Variants in MSH3 observed in about 807,000 individuals in gnomAD.
The protein encoded by MSH3 is mutS homolog 3, also known as DNA mismatch repair protein Msh3.
MSH3 carries 106 observed loss-of-function variants against 123.3 expected under a neutral mutation model. That is an observed-to-expected ratio of 0.86 (90% CI 0.73 to 1.01). MSH3 has a LOEUF of 1.01. Among genes scored for constraint, MSH3 ranks in the 50% least tolerant of loss-of-function variants. MSH3 has a pLI of 0.00. For missense variants in MSH3, 1,459 were observed against 1,347.6 expected (o/e 1.08, Z -1.29); for synonymous variants, 515 against 481.4 (o/e 1.07, Z -0.91).
At chr5:80,836,645 C>T (rs368227440) in intron 20 of MSH3, among the ~76,000 whole-genome samples, 2 of 151,210 alleles carry the variant, frequency 1.3e-5, no homozygotes, top group South Asian at 2.1e-4. Flanking sequence ...CAGATGATCA[C>T]ATCCCTGATA....
intron 8 of MSH3, among the ~76,000 whole-genome samples, chr5:80,712,796 G>A (rs775636520): frequency 7.3e-5 from 11 of 151,602 alleles, no homozygotes; most frequent in Admixed American, 5.3e-4. Context: ...TGTCCTGGTG[G>A]TTGGTTTTAG....
intron 19 of MSH3, among the ~76,000 whole-genome samples, chr5:80,801,433 A>G (rs186675066): frequency 6.6e-6 from 1 of 152,166 alleles, no homozygotes; most frequent in Admixed American, 6.5e-5. Context: ...TCGTGCTGGC[A>G]GTCTCTTAGG....
chr5:80,786,624 A>AT (rs1354078110), intron 17 of MSH3, among the ~76,000 whole-genome samples: 1 of 152,192 alleles, frequency 6.6e-6, no homozygotes, highest in Non-Finnish European at 1.5e-5. Flanking sequence ...CTGTTACTTA[A>AT]AAAGATACTT....
chr5:80,717,133 A>G (rs1253081730), intron 8 of MSH3, among the ~76,000 whole-genome samples: 1 of 152,250 alleles, frequency 6.6e-6, no homozygotes. Flanking sequence ...GGCTGAGTCC[A>G]TAACTTGGCT....
intron 8 of MSH3, among the ~76,000 whole-genome samples, chr5:80,691,543 TA>T (rs894981093): frequency 6.7e-5 from 10 of 150,004 alleles, no homozygotes; most frequent in African/African-American, 2.2e-4. Context: ...TTTTTTTTTT[TA>T]AATAACAATT....
chr5:80,798,466 GTAATATTCA>G (rs1161408905), intron 19 of MSH3, among the ~76,000 whole-genome samples: 1 of 152,178 alleles, frequency 6.6e-6, no homozygotes, highest in Non-Finnish European at 1.5e-5. Flanking sequence ...ACTAGTTACA[GTAATATTCA>G]TAAGCTGTTG....
chr5:80,846,681 A>G (rs2112097632), intron 20 of MSH3, among the ~76,000 whole-genome samples: 1 of 152,330 alleles, frequency 6.6e-6, no homozygotes, highest in African/African-American at 2.4e-5. Flanking sequence ...CTGCTGCGCT[A>G]GCAGTGAGCA....
At position 80,743,548 on chromosome 5, in the gene MSH3, G is replaced by A. The variant is rs1743655277; in HGVS notation, c.1654-958G>A. On this transcript the variant is annotated intron_variant, in intron 11 of 23. Transcript: ENST00000265081. ...TTACAGAGGAGAAGGAAAAAAGAAA[G>A]GATTAAAAAAACCCGGCCGGGCGCG... 1.3e-5 allele frequency among the ~76,000 whole-genome samples: 2 copies of A among 148,230 alleles called. 1 individual carries two copies. Among genetic ancestry groups the A allele is most frequent in the Non-Finnish European group, 3.0e-5 (2 of 67,368 alleles).
intron 7 of MSH3, among the ~76,000 whole-genome samples, chr5:80,677,051 G>C (rs527995798): frequency 6.6e-6 from 1 of 152,250 alleles, no homozygotes; most frequent in East Asian, 1.9e-4. Flanking sequence ...CGAGCTCCAG[G>C]CTCCTGCATC....
intron 4 of MSH3, among the ~76,000 whole-genome samples, chr5:80,671,812 T>C (rs1749731440): frequency 6.6e-6 from 1 of 152,200 alleles, no homozygotes; most frequent in South Asian, 2.1e-4. Context: ...CTCTTTTTAC[T>C]TTTTCAATGA....
chr5:80,739,103 G>A (rs553894244), intron 10 of MSH3, among the ~76,000 whole-genome samples: 1 of 152,322 alleles, frequency 6.6e-6, no homozygotes, highest in African/African-American at 2.4e-5. Flanking sequence ...TGCCAGCTAA[G>A]CACCGTTCTA....
At chr5:80,790,390 C>T (rs934376225) in intron 18 of MSH3, among the ~76,000 whole-genome samples, 4 of 152,042 alleles carry the variant, frequency 2.6e-5, no homozygotes, top group Non-Finnish European at 4.4e-5. Flanking sequence ...GAGAGTAAAA[C>T]TTACTCTGTC....
At chr5:80,678,384 T>G (rs1227387801) in intron 7 of MSH3, among the ~76,000 whole-genome samples, 1 of 152,208 alleles carries the variant, frequency 6.6e-6, no homozygotes, top group African/African-American at 2.4e-5. Context: ...GACTGTCTAC[T>G]TGGGCTTCAT....
chr5:80,698,488 A>G (rs1750533945), intron 8 of MSH3, among the ~76,000 whole-genome samples: 1 of 152,134 alleles, frequency 6.6e-6, no homozygotes, highest in Non-Finnish European at 1.5e-5. Flanking sequence ...GCATCATGCT[A>G]GTTTGCTAGA....
chr5:80,782,552 G>A (rs1362658698), intron 17 of MSH3, among the ~76,000 whole-genome samples: 1 of 152,242 alleles, frequency 6.6e-6, no homozygotes, highest in East Asian at 1.9e-4. Context: ...TCTGCAGGGG[G>A]TCCTAGAACC....
In MSH3 at chr5:80,864,940, C is replaced by T. The variant is rs1268866296; in HGVS notation, c.3128C>T (p.Pro1043Leu). The change falls in exon 22 of 24, where the codon CCA becomes CTA. Residue 1043 changes from proline (P) to leucine (L), a missense_variant and splice_region_variant. Pro to Leu is a moderately conservative substitution (Grantham distance 98, BLOSUM62 -3). Coordinates refer to ENST00000265081, the MANE Select transcript of MSH3 (RefSeq NM_002439.5). Reference protein sequence around the residue: ...LVSEDESKLDPGAAEQVPDFV... With the variant: ...LVSEDESKLDLGAAEQVPDFV... Reference sequence around the variant, plus strand: ...AGTGAGGATGAAAGCAAACTGGATCCAGGTATGAAATATTCCTGCAGTTGG... The same window carrying T: ...AGTGAGGATGAAAGCAAACTGGATCTAGGTATGAAATATTCCTGCAGTTGG... 6 of 1,613,670 alleles carry T rather than the reference C, an allele frequency of 3.7e-6. No homozygotes were observed. In the African/African-American group the frequency reaches 4.0e-5, roughly 11 times the overall value.
intron 7 of MSH3, among the ~76,000 whole-genome samples, chr5:80,676,303 T>C (rs1349133094): frequency 6.6e-6 from 1 of 152,232 alleles, no homozygotes; most frequent in Non-Finnish European, 1.5e-5. Context: ...AATGTTAGGA[T>C]TACAGGCGTG....
At chr5:80,709,207 ATATGTGTG>A (rs1750789803) in intron 8 of MSH3, among the ~76,000 whole-genome samples, 1 of 117,096 alleles carries the variant, frequency 8.5e-6, no homozygotes, top group African/African-American at 3.5e-5. Flanking sequence ...TATAAAATAG[ATATGTGTG>A]TGTGTGTGTG....
At chr5:80,661,003 TG>T (rs1392355673) in intron 2 of MSH3, among the ~76,000 whole-genome samples, 1 of 152,202 alleles carries the variant, frequency 6.6e-6, no homozygotes, top group African/African-American at 2.4e-5. Context: ...TTCACCATGT[TG>T]GCCATGTTGG....
Sources: allele counts gnomAD v4.1 joint callset (sites outside exome capture counted in the v4.1 genomes callset), GRCh38; gene constraint gnomAD v4.1.1; transcripts MANE v1.5; gene names NCBI Gene and HGNC (gene_info 2026-07-23, HGNC 2026-07-21).